Variants in RPA3 observed in about 807,000 individuals in gnomAD.
RPA3 encodes the protein replication protein A3, also known as replication protein A 14 kDa subunit.
Under a neutral mutation model 13.7 loss-of-function variants are expected in RPA3, and 24 were observed. That is an observed-to-expected ratio of 1.75 (90% CI 1.27 to 2.46). RPA3 has a LOEUF of 2.46. Among genes scored for constraint, RPA3 ranks in the 30% most tolerant of loss-of-function variants. The probability of loss-of-function intolerance (pLI) is 0.00; values close to 1 mark genes in which losing one functional copy is unlikely to be tolerated. For missense variants in RPA3, 183 were observed against 151.0 expected, an observed-to-expected ratio of 1.21 and a Z score of -1.11; for synonymous variants, 59 against 51.2, an observed-to-expected ratio of 1.15 and a Z score of -0.65.
intron 4 of RPA3, among the ~76,000 whole-genome samples, chr7:7,679,880 T>A (rs1461238516): frequency 3.3e-5 from 5 of 151,672 alleles, no homozygotes; most frequent in African/African-American, 1.2e-4. Context: ...ATTTTAAAAT[T>A]GGATTATTTT....
intron 2 of RPA3, among the ~76,000 whole-genome samples, chr7:7,688,703 C>T (rs544931321): frequency 1.1e-4 from 17 of 152,196 alleles, no homozygotes; most frequent in African/African-American, 3.4e-4. Flanking sequence ...ATGTTATTTA[C>T]GCCTTTATTT....
intron 4 of RPA3, chr7:7,673,219 GT>G: frequency 1.2e-6 from 1 of 823,044 alleles, no homozygotes; most frequent in South Asian, 1.4e-5. Context: ...AGTAACTATT[GT>G]TATATCGTTA....
intron 4 of RPA3, among the ~76,000 whole-genome samples, chr7:7,665,116 A>T (rs80267174): frequency 6.6e-6 from 1 of 152,216 alleles, no homozygotes; most frequent in Non-Finnish European, 1.5e-5. Context: ...ATATATTTAC[A>T]TTAACTAGTA....
At chr7:7,706,706 G>A (rs889658871) in intron 2 of RPA3, among the ~76,000 whole-genome samples, 3 of 152,154 alleles carry the variant, frequency 2.0e-5, no homozygotes, top group Non-Finnish European at 4.4e-5. Flanking sequence ...AAAACAAAGT[G>A]TCGATGAGGT....
chr7:7,699,275 TA>T (rs1161612273), intron 2 of RPA3, among the ~76,000 whole-genome samples: 1 of 152,204 alleles, frequency 6.6e-6, no homozygotes, highest in Non-Finnish European at 1.5e-5. Flanking sequence ...ATAACAGATT[TA>T]ATTTTTAGTT....
rs55947027 is a variant in RPA3, at chr7:7,637,849, G to T, written c.283+15C>A. 6.3e-7 allele frequency: 1 copy of T among 1,576,612 alleles called. No homozygotes were observed. Among genetic ancestry groups the T allele is most frequent in the Non-Finnish European group, 8.7e-7 (1 of 1,147,794 alleles). On this transcript the variant is annotated intron_variant, in intron 7 of 7. Coordinates refer to ENST00000223129, the MANE Select transcript of RPA3 (RefSeq NM_002947.5). ...AATTACATAAAACCAGTCAATACTA[G>T]AATGCTTTATTTACCAAAAGGATGG...
chr7:7,675,266 A>C (rs1779711091), intron 4 of RPA3, among the ~76,000 whole-genome samples: 1 of 152,222 alleles, frequency 6.6e-6, no homozygotes, highest in Admixed American at 6.5e-5. Flanking sequence ...CTTTGAAAGC[A>C]CATAGAATTC....
intron 2 of RPA3, among the ~76,000 whole-genome samples, chr7:7,713,052 T>C (rs902654748): frequency 6.6e-6 from 1 of 151,990 alleles, no homozygotes; most frequent in Non-Finnish European, 1.5e-5. Flanking sequence ...CAAAAAATAT[T>C]CTAGGGCCGC....
At chr7:7,676,893 CTTTT>C (rs1483931381) in intron 4 of RPA3, among the ~76,000 whole-genome samples, 1 of 151,976 alleles carries the variant, frequency 6.6e-6, no homozygotes, top group Non-Finnish European at 1.5e-5. Flanking sequence ...CAGGTAAACT[CTTTT>C]TTAAAAAATT....
chr7:7,679,870 A>C (rs1264338098), intron 4 of RPA3, among the ~76,000 whole-genome samples: 1 of 151,396 alleles, frequency 6.6e-6, no homozygotes, highest in Non-Finnish European at 1.5e-5. Flanking sequence ...TGGCCTGCCC[A>C]TTTTAAAATT....
intron 2 of RPA3, among the ~76,000 whole-genome samples, chr7:7,713,741 C>T (rs955453330): frequency 6.6e-6 from 1 of 152,046 alleles, no homozygotes; most frequent in Non-Finnish European, 1.5e-5. Flanking sequence ...CCCTGTATTT[C>T]CCTTTAAATG....
intron 4 of RPA3, among the ~76,000 whole-genome samples, chr7:7,643,703 C>G (rs1785028307): frequency 7.2e-6 from 1 of 139,824 alleles, no homozygotes; most frequent in Non-Finnish European, 1.5e-5. Context: ...CAGAGCGAGA[C>G]TCCCTCTCAA....
chr7:7,676,359 C>T (rs1027049953), intron 4 of RPA3, among the ~76,000 whole-genome samples: 2 of 152,168 alleles, frequency 1.3e-5, no homozygotes, highest in African/African-American at 4.8e-5. Context: ...TATTATATCA[C>T]CATACACAGG....
intron 4 of RPA3, among the ~76,000 whole-genome samples, chr7:7,679,865 T>G (rs1311190746): frequency 1.3e-5 from 2 of 151,602 alleles, no homozygotes; most frequent in African/African-American, 4.8e-5. Flanking sequence ...ATGCCTGGCC[T>G]GCCCATTTTA....
chr7:7,642,113 G>T (rs1433569856), intron 4 of RPA3, among the ~76,000 whole-genome samples: 1 of 152,112 alleles, frequency 6.6e-6, no homozygotes, highest in Non-Finnish European at 1.5e-5. Context: ...TTATATAGGG[G>T]AGAGTACACA....
chr7:7,676,487 A>C (rs1160505044), intron 4 of RPA3, among the ~76,000 whole-genome samples: 2 of 152,190 alleles, frequency 1.3e-5, no homozygotes, highest in Non-Finnish European at 2.9e-5. Context: ...CTTTTTGTAA[A>C]AAAAGTTATA....
chr7:7,704,666 G>C (rs1186360052), intron 2 of RPA3, among the ~76,000 whole-genome samples: 4 of 146,742 alleles, frequency 2.7e-5, no homozygotes, highest in Non-Finnish European at 5.9e-5. Flanking sequence ...CATTCAGAAA[G>C]CTGAGGGTGA....
At chr7:7,711,672 C>A (rs1489858284) in intron 2 of RPA3, among the ~76,000 whole-genome samples, 1 of 151,974 alleles carries the variant, frequency 6.6e-6, no homozygotes, top group Middle Eastern at 3.2e-3. Context: ...CACTATTGAT[C>A]TCTTTTCCCT....
rs555938353 is a variant in RPA3, at chr7:7,709,008, A to G, written c.-1028+6167T>C. Among the ~76,000 whole-genome samples the G allele has an allele frequency of 6.6e-5, 10 of 152,064 alleles. 1 individual carries two copies. Among genetic ancestry groups the G allele is most frequent in the African/African-American group, 2.4e-4 (10 of 41,520 alleles). On this transcript the variant is annotated intron_variant, in intron 2 of 7. Coordinates refer to ENST00000223129, the MANE Select transcript of RPA3 (RefSeq NM_002947.5). Reference sequence around the variant, plus strand: ...AAGTGTGGGAGGAAAAGAGGAGAGGAGGAGAAGACAGAAGAGGAAAACAGT... The same window carrying G: ...AAGTGTGGGAGGAAAAGAGGAGAGGGGGAGAAGACAGAAGAGGAAAACAGT...
Sources: gnomAD v4.1 joint callset for allele counts (sites outside exome capture counted in the v4.1 genomes callset) on GRCh38, gnomAD v4.1.1 for gene constraint, MANE v1.5 for transcripts, NCBI Gene and HGNC (gene_info 2026-07-23, HGNC 2026-07-21) for gene names.